Variants in IL9R observed in about 807,000 individuals in gnomAD.
IL9R encodes interleukin-9 receptor.
Under a neutral mutation model 56.3 loss-of-function variants are expected in IL9R, and 54 were observed. That is an observed-to-expected ratio of 0.96 (90% CI 0.77 to 1.20). IL9R has a LOEUF of 1.20. IL9R is among the 50% of genes most tolerant of loss of function. The pLI is 0.00. For missense variants in IL9R, 545 were observed against 629.8 expected, an observed-to-expected ratio of 0.87 and a Z score of 1.44; for synonymous variants, 212 against 250.2, an observed-to-expected ratio of 0.85 and a Z score of 1.44.
intron 2 of IL9R, 61 bp from the exon 3 acceptor site, chrX:156,003,388 C>G (rs1428569298): frequency 1.1e-5 from 13 of 1,182,440 alleles, no homozygotes; most frequent in Admixed American, 1.7e-5. Context: ...CCTCCCCAAC[C>G]CCCGAGCTCA....
chrX:156,004,466 C>A lies in IL9R; in HGVS notation c.480C>A (p.Gly160=). The A allele has an allele frequency of 6.2e-7, 1 of 1,613,782 alleles. No individual in the cohort carries two copies. The highest frequency in any genetic ancestry group is 8.5e-7 in the Non-Finnish European group (1 of 1,179,758). ...PSDLQSNISS[G]HCILTWSISP... is the part of the protein sequence containing the mutation. ...ACTTGCAGAGCAACATCAGTTCTGG[C>A]CACTGCATCCTGACCTGGAGCATCA... The change falls in exon 5 of 9, where the codon GGC becomes GGA. Residue 160 remains glycine (G), a synonymous_variant. Transcript: ENST00000244174.
At chrX:155,997,936 G>A in intron 1 of IL9R, 149 bp downstream of exon 1, 1 of 756,476 alleles carries the variant, frequency 1.3e-6, no homozygotes, top group African/African-American at 1.7e-5. Flanking sequence ...TGGTGTCCTG[G>A]CCTTGTGTAT....
intron 1 of IL9R, among the ~76,000 whole-genome samples, chrX:156,002,184 A>G (rs1175927591): frequency 2.2e-5 from 3 of 134,612 alleles, no homozygotes; most frequent in Admixed American, 7.2e-5. Context: ...TCTACTAAAA[A>G]TACAAAAAAA....
At chrX:156,002,765 C>A in intron 1 of IL9R, 141 bp from the exon 2 acceptor site, 1 of 1,209,104 alleles carries the variant, frequency 8.3e-7, no homozygotes, top group Non-Finnish European at 1.2e-6. Flanking sequence ...GGACGCTGGA[C>A]ACTGTGTGAG....
Position 156,003,021 on chromosome X carries a change from T to C in IL9R, c.142+2T>C, listed in dbSNP as rs149551063. The C allele has an allele frequency of 3.5e-4, 569 of 1,613,714 alleles. No homozygotes were observed. Among genetic ancestry groups the C allele is most frequent in the Admixed American group, 5.2e-4 (31 of 60,000 alleles). ...TCTCTGTCACAGGGGAAGGACAAGG[T>C]GAGGGCTGGGCACTAATGTCTGTAT... On this transcript the variant is annotated splice_donor_variant, in intron 2 of 8. Transcript: ENST00000244174. LOFTEE classifies it high-confidence loss of function.
intron 5 of IL9R, among the ~76,000 whole-genome samples, chrX:156,004,985 A>G (rs188007229): frequency 0.027 from 4,080 of 152,088 alleles, 191 homozygotes; most frequent in African/African-American, 0.093. Context: ...GCTTCTGTGC[A>G]CACACTTTTG....
At chrX:156,000,381 G>A (rs2067437310) in intron 1 of IL9R, among the ~76,000 whole-genome samples, 1 of 152,130 alleles carries the variant, frequency 6.6e-6, no homozygotes, top group African/African-American at 2.4e-5. Context: ...AGGGCAGGCA[G>A]GCTATGAGGC....
In IL9R at chrX:155,997,806, C is replaced by A. The variant is rs1272450408; in HGVS notation, c.28+19C>A. ...TGGGAAGGTGAGTCTGTGCTTTGGG[C>A]TTCCCAACCTCTCAAGTCAGCATGA... On this transcript the variant is annotated intron_variant, in intron 1 of 8. Transcript: ENST00000244174. 3 of 1,610,178 alleles carry A rather than the reference C, an allele frequency of 1.9e-6. No homozygotes were observed. The highest frequency in any genetic ancestry group is 3.3e-5 in the Admixed American group (2 of 59,956).
intron 8 of IL9R, among the ~76,000 whole-genome samples, chrX:156,009,345 T>C (rs1328946031): frequency 2.0e-5 from 3 of 150,150 alleles, no homozygotes; most frequent in Admixed American, 2.0e-4. Context: ...TTTGTGTGTG[T>C]GTGTCTCGTG....
Position 156,003,516 on chromosome X carries a change from C to T in IL9R, c.210C>T (p.Ala70=). The part of the protein sequence containing the change: ...NILRIDCHWS[A]PELGQGSSPW... ...TCAGGATCGATTGCCACTGGTCTGC[C>T]CCAGAGCTGGGACAGGGCTCCAGCC... The change falls in exon 3 of 9, where the codon GCC becomes GCT. Residue 70 remains alanine, a synonymous_variant. Transcript: ENST00000244174. 1 of 1,612,824 alleles carries T rather than the reference C, an allele frequency of 6.2e-7. No homozygotes were observed.
intron 8 of IL9R, among the ~76,000 whole-genome samples, chrX:156,009,429 T>TG (rs1556414515): frequency 7.5e-6 from 1 of 134,106 alleles, no homozygotes; most frequent in Non-Finnish European, 1.6e-5. Context: ...TTGTGTATGT[T>TG]TGTGTGTGTG....
intron 1 of IL9R, among the ~76,000 whole-genome samples, chrX:155,999,256 T>C (rs982060665): frequency 6.6e-5 from 10 of 152,002 alleles, no homozygotes; most frequent in Non-Finnish European, 1.2e-4. Context: ...GCCCTGGGTA[T>C]GTGCCCTTGT....
chrX:156,009,511 G>C (rs1438660783), intron 8 of IL9R, among the ~76,000 whole-genome samples: 2 of 148,472 alleles, frequency 1.3e-5, no homozygotes, highest in Admixed American at 6.6e-5. Flanking sequence ...TCAGGAGCTG[G>C]CTCTGTCCTG....
chrX:156,006,086 C>T lies in IL9R; in HGVS notation c.785C>T (p.Pro262Leu), dbSNP rs766851628. 2.5e-6 allele frequency: 4 copies of T among 1,600,372 alleles called. No individual in the cohort carries two copies. The highest frequency in any genetic ancestry group is 8.6e-7 in the Non-Finnish European group (1 of 1,169,414). ...CCTGGGCCCTTCCTGTCCACAGGCC[C>T]TCTGATCCCACCCTGGGGGTGGCCA... ...VCFQAPQRQG[P>L]LIPPWGWPGN... Residue 262 changes from proline (P) to leucine (L), a missense_variant, in exon 7 of 9, where the codon CCT becomes CTT. Around this residue, in one of 2 missense-constraint regions of IL9R, gnomAD observed 431 missense variants for 360.0 expected, o/e 1.20. Transcript: ENST00000244174.
intron 6 of IL9R, 98 bp from the exon 7 acceptor site, chrX:156,005,985 G>T: frequency 1.4e-6 from 1 of 694,938 alleles, no homozygotes; most frequent in Non-Finnish European, 2.5e-6. Flanking sequence ...CTTCCACTTT[G>T]GCCCAGGGCA....
At position 156,009,539 on chromosome X, in the gene IL9R, G is replaced by A. The variant is rs1476302340; in HGVS notation, c.973-277G>A. Among the ~76,000 whole-genome samples the A allele has an allele frequency of 8.2e-5, 12 of 146,628 alleles. No individual in the cohort carries two copies. In the South Asian group the frequency reaches 8.8e-4, roughly 11 times the overall value. On this transcript the variant is annotated intron_variant, in intron 8 of 8. Coordinates refer to ENST00000244174, the MANE Select transcript of IL9R (RefSeq NM_002186.3). The stretch of plus-strand genomic sequence containing the variant: ...CTGTCCTGGGCAGATATCACCATCT[G>A]TACCTCGGTTCAGGCTGCCGTGGGC...
chrX:156,005,104 G>T (rs1340536682), intron 5 of IL9R, among the ~76,000 whole-genome samples, 174 bp from the exon 6 acceptor site: 1 of 152,140 alleles, frequency 6.6e-6, no homozygotes. Context: ...GTCTGTGAGT[G>T]TGAGTGTGCC....
Position 156,004,479 on chromosome X carries a change from A to G in IL9R, c.493A>G (p.Thr165Ala). 5 of 1,613,790 alleles carry G rather than the reference A, an allele frequency of 3.1e-6. No homozygotes were observed. Among genetic ancestry groups the G allele is most frequent in the Non-Finnish European group, 4.2e-6 (5 of 1,179,826 alleles). The part of the protein sequence containing the change: ...SNISSGHCIL[T>A]WSISPALEPM... ...CATCAGTTCTGGCCACTGCATCCTG[A>G]CCTGGAGCATCAGTCCTGCCTTGGA... is the stretch of plus-strand genomic sequence containing the variant. The change falls in exon 5 of 9, where the codon ACC becomes GCC. Residue 165 changes from threonine (T) to alanine (A), a missense_variant. By Grantham distance (58) the Thr-to-Ala change is moderately conservative. This residue lies in a region of IL9R where 431 missense variants were observed against 360.0 expected (regional missense o/e 1.20). Transcript: ENST00000244174.
chrX:156,002,282 G>A (rs377426445), intron 1 of IL9R, among the ~76,000 whole-genome samples: 12 of 152,078 alleles, frequency 7.9e-5, no homozygotes, highest in South Asian at 2.1e-4. Context: ...CCCAGGAGGC[G>A]GAGGTTGCAG....
Sources: gnomAD v4.1 joint callset for allele counts (sites outside exome capture counted in the v4.1 genomes callset) on GRCh38, gnomAD v4.1.1 for gene constraint, gnomAD v4.1.1 regional missense constraint, MANE v1.5 for transcripts, NCBI Gene and HGNC (gene_info 2026-07-23, HGNC 2026-07-21) for gene names.